Variants in NBEA observed in about 807,000 individuals in gnomAD.
NBEA encodes neurobeachin, also known as lysosomal-trafficking regulator 2.
NBEA carries 44 observed loss-of-function variants against 343.4 expected under a neutral mutation model. The ratio of observed to expected loss-of-function variants is 0.13; its 90% CI spans 0.10 to 0.16. The LOEUF (loss-of-function observed/expected upper bound fraction) is 0.16, where lower values mean the gene tolerates loss of function less well. Among genes scored for constraint, NBEA ranks in the 10% least tolerant of loss-of-function variants. The pLI is 1.00. For missense variants in NBEA, 2,555 were observed against 3,631.3 expected, an observed-to-expected ratio of 0.70 and a Z score of 7.62; for synonymous variants, 1,175 against 1,238.7, an observed-to-expected ratio of 0.95 and a Z score of 1.08.
chr13:35,026,204 G>GAT (rs1272660614), intron 1 of NBEA, among the ~76,000 whole-genome samples: 1 of 152,076 alleles, frequency 6.6e-6, no homozygotes, highest in Non-Finnish European at 1.5e-5. Flanking sequence ...CCTGTGAAGA[G>GAT]ATGCCTTCTG....
At chr13:35,434,882 A>G (rs1190425573) in intron 39 of NBEA, among the ~76,000 whole-genome samples, 1 of 152,230 alleles carries the variant, frequency 6.6e-6, no homozygotes, top group Non-Finnish European at 1.5e-5. Flanking sequence ...AAAGCACTTA[A>G]TCCAGTAAAT....
At chr13:35,522,205 C>A (rs1194834916) in intron 41 of NBEA, among the ~76,000 whole-genome samples, 1 of 151,794 alleles carries the variant, frequency 6.6e-6, no homozygotes, top group African/African-American at 2.4e-5. Context: ...GCCTGTAATC[C>A]CAGCAGTTTG....
At chr13:35,466,469 A>G (rs1005582711) in intron 40 of NBEA, among the ~76,000 whole-genome samples, 1 of 152,274 alleles carries the variant, frequency 6.6e-6, no homozygotes, top group East Asian at 1.9e-4. Flanking sequence ...ATTTTATTCA[A>G]GCAAAAACAT....
intron 45 of NBEA, among the ~76,000 whole-genome samples, chr13:35,570,436 G>A (rs2080349326): frequency 6.6e-6 from 1 of 152,298 alleles, no homozygotes; most frequent in Non-Finnish European, 1.5e-5. Context: ...ATAGTGTTAA[G>A]TAAATAATAC....
intron 45 of NBEA, among the ~76,000 whole-genome samples, chr13:35,577,352 T>G (rs1457128285): frequency 6.6e-6 from 1 of 152,162 alleles, no homozygotes; most frequent in Admixed American, 6.5e-5. Context: ...TTCACAAAGG[T>G]TGAAGGCATA....
rs184766166 is a variant in NBEA, at chr13:35,070,317, A to G, written c.1437+212A>G. On this transcript the variant is annotated intron_variant, in intron 9 of 58. Transcript: ENST00000379939. Reference sequence around the variant, plus strand: ...TTGTCTCCTTAGTAGGAAATCTGTCATATCCATTATCTTATATAGCCTTTG... The same window carrying G: ...TTGTCTCCTTAGTAGGAAATCTGTCGTATCCATTATCTTATATAGCCTTTG... 1.6e-3 allele frequency among the ~76,000 whole-genome samples: 236 copies of G among 152,192 alleles called. 1 individual carries two copies. Among genetic ancestry groups the G allele is most frequent in the African/African-American group, 5.4e-3 (223 of 41,540 alleles).
At chr13:35,007,647 G>C (rs886510509) in intron 1 of NBEA, among the ~76,000 whole-genome samples, 1 of 151,950 alleles carries the variant, frequency 6.6e-6, no homozygotes, top group Non-Finnish European at 1.5e-5. Context: ...GCATGCTACT[G>C]TGCCACAGCT....
chr13:35,596,913 A>G (rs911456226), intron 47 of NBEA, among the ~76,000 whole-genome samples: 9 of 151,952 alleles, frequency 5.9e-5, no homozygotes, highest in African/African-American at 2.2e-4. Flanking sequence ...AAAAAAAAAG[A>G]AAGAAAAGAG....
At chr13:35,264,971 C>T (rs2033547784) in intron 34 of NBEA, among the ~76,000 whole-genome samples, 2 of 151,756 alleles carry the variant, frequency 1.3e-5, no homozygotes, top group African/African-American at 4.8e-5. Context: ...ATGACATGAT[C>T]TTATATGTAG....
At chr13:35,410,762 A>G (rs771353421) in intron 38 of NBEA, among the ~76,000 whole-genome samples, 6 of 152,156 alleles carry the variant, frequency 3.9e-5, no homozygotes, top group Non-Finnish European at 8.8e-5. Flanking sequence ...ATTAGGAAAC[A>G]AAAAGAAGTT....
chr13:35,302,914 A>C (rs2152827512), intron 35 of NBEA, among the ~76,000 whole-genome samples: 1 of 152,268 alleles, frequency 6.6e-6, no homozygotes, highest in Non-Finnish European at 1.5e-5. Context: ...AGTAAACTGA[A>C]CTCATAGAGT....
chr13:35,281,317 T>C (rs2035036877), intron 34 of NBEA, among the ~76,000 whole-genome samples: 1 of 152,202 alleles, frequency 6.6e-6, no homozygotes, highest in Non-Finnish European at 1.5e-5. Flanking sequence ...CTAATTTTTT[T>C]CTTAAATGGA....
In NBEA at chr13:34,947,142, T is replaced by C. The variant is rs972922903; in HGVS notation, c.294+4028T>C. Among the ~76,000 whole-genome samples the C allele has an allele frequency of 5.3e-5, 8 of 152,022 alleles. No individual in the cohort carries two copies. The East Asian group carries it at 1.5e-3, about 29-fold the overall frequency. On this transcript the variant is annotated intron_variant, in intron 1 of 58. Coordinates refer to ENST00000379939, the MANE Select transcript of NBEA (RefSeq NM_001385012.1). The stretch of plus-strand genomic sequence containing the variant: ...TTGAGTTGTATTTTATTCTCATGAT[T>C]GGGTATGGAAAATAAAATTCAGGAT...
intron 48 of NBEA, among the ~76,000 whole-genome samples, chr13:35,616,583 C>A (rs906602277): frequency 2.0e-5 from 3 of 152,106 alleles, no homozygotes; most frequent in African/African-American, 7.2e-5. Flanking sequence ...AGAGAATTAA[C>A]AGATTATTCA....
At chr13:35,556,663 C>A (rs1294654507) in intron 44 of NBEA, among the ~76,000 whole-genome samples, 2 of 151,928 alleles carry the variant, frequency 1.3e-5, no homozygotes, top group Non-Finnish European at 2.9e-5. Flanking sequence ...AACTATTTTT[C>A]TTAATTTGAA....
intron 33 of NBEA, among the ~76,000 whole-genome samples, chr13:35,216,419 A>G (rs1378159137): frequency 6.6e-6 from 1 of 151,946 alleles, no homozygotes; most frequent in Non-Finnish European, 1.5e-5. Context: ...AACAGAGACG[A>G]TATGGCCTAA....
chr13:35,403,181 A>T (rs2036163689), intron 38 of NBEA, among the ~76,000 whole-genome samples: 1 of 151,430 alleles, frequency 6.6e-6, no homozygotes, highest in Non-Finnish European at 1.5e-5. Context: ...TAATAAATAA[A>T]AAATTAATTA....
At chr13:35,188,032 C>G (rs536467193) in intron 30 of NBEA, among the ~76,000 whole-genome samples, 1 of 152,108 alleles carries the variant, frequency 6.6e-6, no homozygotes, top group South Asian at 2.1e-4. Context: ...AGCTTCCTTT[C>G]CATTATTATT....
chr13:35,277,039 A>T (rs1483984780), intron 34 of NBEA, among the ~76,000 whole-genome samples: 25 of 152,202 alleles, frequency 1.6e-4, no homozygotes, highest in Admixed American at 1.6e-3. Flanking sequence ...CAACATAAGC[A>T]TCTGTGGCCC....
Sources: gnomAD v4.1 joint callset for allele counts (sites outside exome capture counted in the v4.1 genomes callset) on GRCh38, gnomAD v4.1.1 for gene constraint, MANE v1.5 for transcripts, NCBI Gene and HGNC (gene_info 2026-07-23, HGNC 2026-07-21) for gene names.